The following CHRNA4 variants were observed in gnomAD, a reference collection of about 807,000 sequenced individuals.
CHRNA4 encodes the protein cholinergic receptor nicotinic alpha 4 subunit, also known as neuronal acetylcholine receptor subunit alpha-4.
CHRNA4 carries 28 observed loss-of-function variants against 48.9 expected under a neutral mutation model. The observed-to-expected ratio is 0.57, with a 90% CI of 0.42 to 0.79. The LOEUF (loss-of-function observed/expected upper bound fraction) is 0.79. CHRNA4 is among the 30% of genes least tolerant of loss of function. CHRNA4 has a pLI of 0.00. For synonymous variants in CHRNA4, 425 were observed against 402.3 expected, an observed-to-expected ratio of 1.06 and a Z score of -0.68; for missense variants, 859 against 898.4, an observed-to-expected ratio of 0.96 and a Z score of 0.56.
chr20:63,359,909 G>GTGTGTGCCGGGCGTGCGC, intron 1 of CHRNA4: 6 of 483,372 alleles, frequency 1.2e-5, no homozygotes, highest in South Asian at 4.5e-5. Context: ...GTGTGTGTGT[G>GTGTGTGCCGGGCGTGCGC]TGTGTGTGTG....
intron 4 of CHRNA4, 37 bp from the exon 5 acceptor site, chr20:63,351,064 C>T: frequency 6.3e-7 from 1 of 1,590,476 alleles, no homozygotes; most frequent in South Asian, 1.1e-5. Context: ...GAGACCCCCA[C>T]ATCCATGCCC....
At chr20:63,351,118 C>A (rs2068593221) in intron 4 of CHRNA4, 91 bp from the exon 5 acceptor site, 1 of 1,385,084 alleles carries the variant, frequency 7.2e-7, no homozygotes, top group Non-Finnish European at 9.8e-7. Flanking sequence ...CCCACGTCCA[C>A]ACCCACACCC....
Position 63,346,175 on chromosome 20 carries a change from G to C in CHRNA4, c.*563C>G, listed in dbSNP as rs2068491254. On this transcript the variant is annotated 3_prime_UTR_variant, in exon 6 of 6. Coordinates refer to ENST00000370263, the MANE Select transcript of CHRNA4 (RefSeq NM_000744.7). ...CACAACCAAACACAATCCCTGCCTG[G>C]ACCCTCTCCTAGCGAAGCAGATTGG... is the stretch of plus-strand genomic sequence containing the variant. 1 of 454,052 alleles carries C rather than the reference G, an allele frequency of 2.2e-6. No homozygotes were observed. Among genetic ancestry groups the C allele is most frequent in the South Asian group, 1.6e-5 (1 of 64,478 alleles). 28.1% of individuals were successfully genotyped at this position (454,052 alleles called of 1,614,324 possible).
At position 63,350,091 on chromosome 20, in the gene CHRNA4, G is replaced by T; in HGVS notation, c.1320C>A (p.Ala440=). 1 of 1,528,378 alleles carries T rather than the reference G, an allele frequency of 6.5e-7. No individual in the cohort carries two copies. Among genetic ancestry groups the T allele is most frequent in the Admixed American group, 2.0e-5 (1 of 50,530 alleles). The allele number at this position is 1,528,378 out of a possible 1,614,324, so 94.7% of individuals were successfully genotyped here. ...PPQQPLEAEK[A]SPHPSPGPCR... ...AGGGTCCAGGCGAGGGGTGGGGGCT[G>T]GCTTTCTCAGCTTCCAGGGGCTGCT... The change falls in exon 5 of 6, where the codon GCC becomes GCA. Residue 440 remains alanine (A), a synonymous_variant. Coordinates refer to ENST00000370263, the MANE Select transcript of CHRNA4 (RefSeq NM_000744.7).
intron 2 of CHRNA4, chr20:63,359,337 G>T (rs925621371): frequency 1.5e-6 from 1 of 658,224 alleles, no homozygotes; most frequent in Non-Finnish European, 2.7e-6. Flanking sequence ...GGGAGGAAAG[G>T]GCAGGGCCTG....
chr20:63,350,194 G>A lies in CHRNA4; in HGVS notation c.1217C>T (p.Pro406Leu), dbSNP rs777222517. The A allele has an allele frequency of 7.5e-6, 12 of 1,598,170 alleles. No homozygotes were observed. The highest frequency in any genetic ancestry group is 4.0e-5 in the African/African-American group (3 of 74,746). ...SGTQSLHPPS[P>L]SFCVPLDVPA... Reference sequence around the variant, plus strand: ...CACATCCAGGGGGACACAGAAGGACGGTGAGGGCGGGTGCAGGCTCTGGGT... The same window carrying A: ...CACATCCAGGGGGACACAGAAGGACAGTGAGGGCGGGTGCAGGCTCTGGGT... Residue 406 changes from proline (P) to leucine (L), a missense_variant, in exon 5 of 6, where the codon CCG (proline) becomes CTG (leucine). Coordinates refer to ENST00000370263, the MANE Select transcript of CHRNA4 (RefSeq NM_000744.7).
rs757345344 is a variant in CHRNA4, at chr20:63,355,958, TG to T, written c.383+16del. On this transcript the variant is annotated intron_variant, in intron 4 of 5. Transcript: ENST00000370263. Reference sequence around the variant, plus strand: ...ACCAAGGCCCTGTAGAGGACTCACTTGTTGTAGAGGACTCACTTGTTGTAGA... The same window carrying T: ...ACCAAGGCCCTGTAGAGGACTCACTTTTGTAGAGGACTCACTTGTTGTAGA... 1.2e-6 allele frequency: 2 copies of T among 1,603,754 alleles called. No homozygotes were observed. Among genetic ancestry groups the T allele is most frequent in the South Asian group, 2.2e-5 (2 of 90,812 alleles).
rs1303011586 is a variant in CHRNA4, at chr20:63,351,125, ACCCACATCCACG to A, written c.384-110_384-99del. 1.6e-5 allele frequency: 19 copies of A among 1,158,136 alleles called. No homozygotes were observed. The African/African-American group carries it at 2.8e-4, about 17-fold the overall frequency. 71.7% of individuals were successfully genotyped at this position (1,158,136 alleles called of 1,614,324 possible). ...CACCCATGCCCACGTCCACACCCAC[ACCCACATCCACG>A]CCCACATCCACGTCCACGCCCACAT... On this transcript the variant is annotated intron_variant, in intron 4 of 5. Coordinates refer to ENST00000370263, the MANE Select transcript of CHRNA4 (RefSeq NM_000744.7).
chr20:63,354,537 TG>T, intron 4 of CHRNA4: 1 of 813,600 alleles, frequency 1.2e-6, no homozygotes, highest in Non-Finnish European at 1.4e-6. Context: ...GTGAACCTGG[TG>T]GGGGCTGCAG....
At position 63,350,339 on chromosome 20, in the gene CHRNA4, TGAG is replaced by T; in HGVS notation, c.1069_1071del (p.Leu357del). On this transcript the variant is annotated inframe_deletion, in exon 5 of 6. Transcript: ENST00000370263. ...TCCTTGACCACGGACGGCCGCTTCA[TGAG>T]GAGCAGGCGTGGCACGATGTCCAGG... 1 of 1,613,448 alleles carries T rather than the reference TGAG, an allele frequency of 6.2e-7. No individual in the cohort carries two copies. The highest frequency in any genetic ancestry group is 8.5e-7 in the Non-Finnish European group (1 of 1,180,026).
chr20:63,361,061 G>C lies in CHRNA4; in HGVS notation c.76+29C>G, dbSNP rs2068811618. 2.1e-6 allele frequency: 3 copies of C among 1,408,520 alleles called. No homozygotes were observed. The East Asian group carries it at 9.0e-5, about 42-fold the overall frequency. 87.3% of individuals were successfully genotyped at this position (1,408,520 alleles called of 1,614,324 possible). A position where few individuals can be genotyped will look rare whatever the true frequency, so the allele number is the denominator to read the frequency against. On this transcript the variant is annotated intron_variant, in intron 1 of 5. Transcript: ENST00000370263. Reference sequence around the variant, plus strand: ...CCAGGCCATCCGAACGCGGGCGAAAGGGGGCCCATCCCGCGCCCCGTAACT... The same window carrying C: ...CCAGGCCATCCGAACGCGGGCGAAACGGGGCCCATCCCGCGCCCCGTAACT...
At chr20:63,360,550 C>T (rs975844178) in intron 1 of CHRNA4, among the ~76,000 whole-genome samples, 1 of 152,140 alleles carries the variant, frequency 6.6e-6, no homozygotes, top group South Asian at 2.1e-4. Flanking sequence ...TGGTGGGTCC[C>T]GCTGGCCTGA....
At chr20:63,357,092 A>G (rs1260357406) in intron 2 of CHRNA4, among the ~76,000 whole-genome samples, 8 of 141,958 alleles carry the variant, frequency 5.6e-5, no homozygotes, top group South Asian at 4.6e-4. Context: ...ACAGAACCAC[A>G]TCCCCACAGG....
At position 63,349,954 on chromosome 20, in the gene CHRNA4, G is replaced by A. The variant is rs752100112; in HGVS notation, c.1457C>T (p.Ser486Phe). ...EAVEGGVRCRSRSIQYCVPRD... is the reference protein window; with the variant it reads ...EAVEGGVRCRFRSIQYCVPRD... ...GGGAACACAGTACTGGATGCTCCGA[G>A]ACCGGCACCGGACGCCGCCTTCCAC... The change falls in exon 5 of 6, where the codon TCT (serine) becomes TTT (phenylalanine). Residue 486 changes from serine to phenylalanine, a missense_variant. Coordinates refer to ENST00000370263, the MANE Select transcript of CHRNA4 (RefSeq NM_000744.7). The A allele has an allele frequency of 1.9e-6, 3 of 1,573,772 alleles. No homozygotes were observed. Among genetic ancestry groups the A allele is most frequent in the East Asian group, 2.3e-5 (1 of 43,304 alleles).
Position 63,344,330 on chromosome 20 carries a change from C to T in CHRNA4, c.*2408G>A, listed in dbSNP as rs1300413878. 4 of 454,036 alleles carry T rather than the reference C, an allele frequency of 8.8e-6. No individual in the cohort carries two copies. The highest frequency in any genetic ancestry group is 6.2e-5 in the South Asian group (4 of 64,456). The allele number at this position is 454,036 out of a possible 1,614,324, so 28.1% of individuals were successfully genotyped here. ...CGCCGACAGGAAGGGCTGGAGGGAC[C>T]TTCTAGGGGCTGGGTCTCCACTGAA... is the stretch of plus-strand genomic sequence containing the variant. On this transcript the variant is annotated 3_prime_UTR_variant, in exon 6 of 6. Transcript: ENST00000370263. This position sits in a 1 kb window ranked among gnomAD's most constrained non-coding sequence, Gnocchi z 4.5.
intron 1 of CHRNA4, 163 bp downstream of exon 1, chr20:63,360,927 G>T (rs1270416413): frequency 1.8e-6 from 1 of 542,884 alleles, no homozygotes; most frequent in East Asian, 3.5e-5. Context: ...GCCCGGGTGC[G>T]AGCGCAGCCT....
chr20:63,358,657 A>G (rs1230265224), intron 2 of CHRNA4, among the ~76,000 whole-genome samples: 1 of 152,138 alleles, frequency 6.6e-6, no homozygotes, highest in Non-Finnish European at 1.5e-5. Flanking sequence ...GCCAGCTCCC[A>G]GAGACCATGG....
intron 2 of CHRNA4, among the ~76,000 whole-genome samples, chr20:63,358,885 G>A (rs533802050): frequency 2.6e-5 from 4 of 152,142 alleles, no homozygotes; most frequent in South Asian, 2.1e-4. Context: ...CATCTCAACC[G>A]AGCACAAGGC....
chr20:63,358,209 T>C (rs974315709), intron 2 of CHRNA4, among the ~76,000 whole-genome samples: 1 of 152,194 alleles, frequency 6.6e-6, no homozygotes, highest in African/African-American at 2.4e-5. Context: ...CGGGGCTGGC[T>C]GACTGGAGTC....
Sources: gnomAD v4.1 joint callset for allele counts (sites outside exome capture counted in the v4.1 genomes callset) on GRCh38, gnomAD v4.1.1 for gene constraint, Gnocchi (gnomAD v3.1) non-coding constraint, MANE v1.5 for transcripts, NCBI Gene and HGNC (gene_info 2026-07-23, HGNC 2026-07-21) for gene names.